Variants in TGFBRAP1 observed in about 807,000 individuals in gnomAD.
TGFBRAP1 encodes transforming growth factor beta receptor associated protein 1, also known as transforming growth factor-beta receptor-associated protein 1.
In TGFBRAP1, 20 loss-of-function variants were observed where a neutral mutation model predicts 83.2. The observed-to-expected ratio is 0.24, with a 90% CI of 0.17 to 0.35. The LOEUF is 0.35. TGFBRAP1 is among the 10% of genes least tolerant of loss of function. The pLI, the probability that TGFBRAP1 is intolerant of heterozygous loss-of-function variation, is 1.00. For synonymous variants in TGFBRAP1, 415 were observed against 459.8 expected, an observed-to-expected ratio of 0.90 and a Z score of 1.25; for missense variants, 950 against 1,099.4, an observed-to-expected ratio of 0.86 and a Z score of 1.92.
chr2:105,263,053 A>C (rs1043571544), downstream of TGFBRAP1, among the ~76,000 whole-genome samples: 3 of 152,248 alleles, frequency 2.0e-5, no homozygotes. Flanking sequence ...TGAGTCAGAC[A>C]CCAGTCTTTG....
chr2:105,249,980 C>T, the TGFBRAP1 span, among the ~76,000 whole-genome samples: 3 of 152,166 alleles, frequency 2.0e-5, no homozygotes, highest in African/African-American at 7.2e-5. Context: ...CAGGTGTGTG[C>T]ATTATTATGG....
chr2:105,321,855 ACAGT>A (rs1244816653), intron 1 of TGFBRAP1, among the ~76,000 whole-genome samples: 3 of 152,352 alleles, frequency 2.0e-5, no homozygotes, highest in African/African-American at 7.2e-5. Flanking sequence ...TCAATTACAT[ACAGT>A]ATGTAGTACT....
At chr2:105,262,278 C>T (rs969471704), downstream of TGFBRAP1, among the ~76,000 whole-genome samples, 4 of 152,132 alleles carry the variant, frequency 2.6e-5, no homozygotes, top group Non-Finnish European at 5.9e-5. Flanking sequence ...GAATCCCTCA[C>T]GAATTACCTC....
At chr2:105,319,034 G>A (rs1678972649) in intron 1 of TGFBRAP1, among the ~76,000 whole-genome samples, 1 of 152,082 alleles carries the variant, frequency 6.6e-6, no homozygotes, top group Non-Finnish European at 1.5e-5. Context: ...AGTCACAGCA[G>A]GAAGAATAAA....
intron 6 of TGFBRAP1, among the ~76,000 whole-genome samples, chr2:105,278,699 T>C (rs1677431709): frequency 1.3e-5 from 2 of 152,140 alleles, no homozygotes; most frequent in Admixed American, 6.5e-5. Flanking sequence ...AGCAGGAAAC[T>C]GGAGTAAGTT....
rs913504497 is a variant in TGFBRAP1, at chr2:105,269,698, C to T, written c.1980G>A (p.Leu660=). 1 of 1,539,366 alleles carries T rather than the reference C, an allele frequency of 6.5e-7. No individual in the cohort carries two copies. The highest frequency in any genetic ancestry group is 8.8e-7 in the Non-Finnish European group (1 of 1,140,626). ...TCTCCATGGGCAGGCCAGCTCCCTG[C>T]AGCCTCTCTGCAAGACAGAACCTGC... The part of the protein sequence containing the change: ...LYRVHFLLER[L]QGAGLPMESA... Residue 660 remains leucine (L), a synonymous_variant, in exon 11 of 12, where the codon CTG becomes CTA. Coordinates refer to ENST00000393359, the MANE Select transcript of TGFBRAP1 (RefSeq NM_004257.6). This position sits in a 1 kb window ranked among gnomAD's most constrained non-coding sequence, Gnocchi z 4.1.
chr2:105,286,600 A>C (rs1677728268), intron 4 of TGFBRAP1, among the ~76,000 whole-genome samples: 1 of 152,222 alleles, frequency 6.6e-6, no homozygotes, highest in African/African-American at 2.4e-5. Context: ...ATTATAAGGC[A>C]GTGGTGCAAA....
At chr2:105,317,979 G>A (rs1403311576) in intron 1 of TGFBRAP1, among the ~76,000 whole-genome samples, 1 of 152,106 alleles carries the variant, frequency 6.6e-6, no homozygotes. Context: ...CTGACAACAT[G>A]AGGTGTTCCT....
chr2:105,294,307 G>GGTGT (rs3060066), intron 4 of TGFBRAP1, among the ~76,000 whole-genome samples: 27,050 of 147,774 alleles, frequency 0.18, 3,380 homozygotes, highest in East Asian at 0.4. Context: ...TAGGAGTGAG[G>GGTGT]GTGTGTGTGT....
downstream of TGFBRAP1, among the ~76,000 whole-genome samples, chr2:105,262,829 C>T (rs565589698): frequency 2.8e-4 from 42 of 152,302 alleles, no homozygotes; most frequent in Non-Finnish European, 4.4e-5. Flanking sequence ...AAGTAGGCTT[C>T]ATTAATTCAA....
chr2:105,318,422 T>A (rs1485986297), intron 1 of TGFBRAP1, among the ~76,000 whole-genome samples: 3 of 152,164 alleles, frequency 2.0e-5, no homozygotes, highest in Admixed American at 2.0e-4. Context: ...CTTATACAGA[T>A]TACAAATATA....
At position 105,298,552 on chromosome 2, in the gene TGFBRAP1, G is replaced by C; in HGVS notation, c.842C>G (p.Thr281Arg). The change falls in exon 3 of 12, where the codon ACG becomes AGG. Residue 281 changes from threonine (T) to arginine (R), a missense_variant. Coordinates refer to ENST00000393359, the MANE Select transcript of TGFBRAP1 (RefSeq NM_004257.6). ...HSMLDQQQKQTLPFKEGHILQ... is the reference protein window; with the variant it reads ...HSMLDQQQKQRLPFKEGHILQ... Reference sequence around the variant, plus strand: ...GATATGGCCCTCCTTAAAGGGCAGCGTCTGCTTCTGTTGCTGATCCAACAT... The same window carrying C: ...GATATGGCCCTCCTTAAAGGGCAGCCTCTGCTTCTGTTGCTGATCCAACAT... 6.2e-7 allele frequency: 1 copy of C among 1,612,782 alleles called. No homozygotes were observed. Among genetic ancestry groups the C allele is most frequent in the Non-Finnish European group, 8.5e-7 (1 of 1,179,028 alleles).
At chr2:105,326,927 G>T (rs1193209113) in intron 1 of TGFBRAP1, among the ~76,000 whole-genome samples, 2 of 152,062 alleles carry the variant, frequency 1.3e-5, no homozygotes, top group African/African-American at 4.8e-5. Flanking sequence ...GTCATTTGGG[G>T]TAGCACCAAA....
At chr2:105,285,484 T>C (rs1018180710) in intron 4 of TGFBRAP1, among the ~76,000 whole-genome samples, 4 of 152,240 alleles carry the variant, frequency 2.6e-5, no homozygotes, top group African/African-American at 7.2e-5. Flanking sequence ...TGTTGGACCA[T>C]GATTTAAAAC....
Position 105,265,071 on chromosome 2 carries a change from G to A in TGFBRAP1, c.*2312C>T, listed in dbSNP as rs184278484. ...ATACTGTAATAGAATGCTGCTTGTG[G>A]TGAAGGATTTGGTAGAGATGGAAAA... On this transcript the variant is annotated 3_prime_UTR_variant, in exon 12 of 12. Transcript: ENST00000393359. 1 of 152,356 alleles carries A rather than the reference G, an allele frequency of 6.6e-6. No homozygotes were observed. Among genetic ancestry groups the A allele is most frequent in the Non-Finnish European group, 1.5e-5 (1 of 68,036 alleles). 9.4% of individuals were successfully genotyped at this position (152,356 alleles called of 1,614,324 possible).
At chr2:105,284,279 C>T (rs1292838575) in intron 5 of TGFBRAP1, 37 bp downstream of exon 5, 1 of 1,597,168 alleles carries the variant, frequency 6.3e-7, no homozygotes, top group South Asian at 1.1e-5. Context: ...CAGAGGGACA[C>T]TGTAGTGGCA....
downstream of TGFBRAP1, among the ~76,000 whole-genome samples, chr2:105,262,391 A>G (rs1228864893): frequency 6.6e-6 from 1 of 152,150 alleles, no homozygotes; most frequent in Non-Finnish European, 1.5e-5. Context: ...AGCTCTTGCC[A>G]TGTGATGCAT....
the TGFBRAP1 span, among the ~76,000 whole-genome samples, chr2:105,254,030 T>C: frequency 1.3e-5 from 2 of 152,166 alleles, no homozygotes; most frequent in African/African-American, 4.8e-5. Context: ...CCTCTGATAC[T>C]TAAGGCTTCC....
chr2:105,291,335 T>C (rs1677906493), intron 4 of TGFBRAP1, among the ~76,000 whole-genome samples: 1 of 152,196 alleles, frequency 6.6e-6, no homozygotes, highest in African/African-American at 2.4e-5. Flanking sequence ...CACCTGGATC[T>C]TGGCCTCCAG....
Sources: gnomAD v4.1 joint callset for allele counts (sites outside exome capture counted in the v4.1 genomes callset) on GRCh38, gnomAD v4.1.1 for gene constraint, Gnocchi (gnomAD v3.1) non-coding constraint, MANE v1.5 for transcripts, NCBI Gene and HGNC (gene_info 2026-07-23, HGNC 2026-07-21) for gene names.